CHKA: variants seen among roughly 807,000 people sequenced by gnomAD.
CHKA encodes the protein choline kinase alpha, also known as CHETK-alpha.
In CHKA, 34 loss-of-function variants were observed where a neutral mutation model predicts 60.1. The ratio of observed to expected loss-of-function variants is 0.57; its 90% confidence interval spans 0.43 to 0.75. The LOEUF is 0.75. Ranked by LOEUF, CHKA falls within the 30% of genes least tolerant of loss-of-function variation. The pLI, the probability that CHKA is intolerant of heterozygous loss-of-function variation, is 0.00. For missense variants in CHKA, 563 were observed against 561.3 expected, an observed-to-expected ratio of 1.00 and a Z score of -0.03; for synonymous variants, 217 against 223.1, an observed-to-expected ratio of 0.97 and a Z score of 0.24.
intron 1 of CHKA, among the ~76,000 whole-genome samples, chr11:68,116,537 C>T (rs1858388856): frequency 6.6e-6 from 1 of 151,894 alleles, no homozygotes; most frequent in African/African-American, 2.4e-5. Flanking sequence ...CATGTGAAAC[C>T]TTGTATCTAC....
At position 68,070,972 on chromosome 11, in the gene CHKA, T is replaced by A; in HGVS notation, c.631-115A>T. On this transcript the variant is annotated intron_variant, in intron 4 of 11. Coordinates refer to ENST00000265689, the MANE Select transcript of CHKA (RefSeq NM_001277.3). ...TGTAGTGCATTTAAGTCTCACCCAA[T>A]GCCCCAAATTCCCTTAAGAATGGAC... is the stretch of plus-strand genomic sequence containing the variant. 3 of 971,284 alleles carry A rather than the reference T, an allele frequency of 3.1e-6. No homozygotes were observed. The South Asian group carries it at 5.3e-5, about 17-fold the overall frequency. The allele number at this position is 971,284 out of a possible 1,614,324, so 60.2% of individuals were successfully genotyped here. A position where few individuals can be genotyped will look rare whatever the true frequency, so the allele number is the denominator to read the frequency against.
chr11:68,112,058 A>G (rs1399029223), intron 1 of CHKA, among the ~76,000 whole-genome samples: 1 of 125,824 alleles, frequency 7.9e-6, no homozygotes, highest in Non-Finnish European at 1.6e-5. Context: ...CGTCTCAAAA[A>G]AAAAAAAAAA....
rs1410150312 is a variant in CHKA at position 68,064,640 on chromosome 11, A to G, written c.1126-9T>C. 11 of 1,513,424 alleles carry G rather than the reference A, an allele frequency of 7.3e-6. No homozygotes were observed. The highest frequency in any genetic ancestry group is 1.0e-5 in the Non-Finnish European group (11 of 1,103,510). 93.7% of individuals were successfully genotyped at this position (1,513,424 alleles called of 1,614,324 possible). ...CTGGAAATAAAATGGAGCTTAAAAA[A>G]AAGTAATTGTGTTAGGATCAATGAT... On this transcript the variant is annotated splice_polypyrimidine_tract_variant and intron_variant, in intron 9 of 11. Coordinates refer to ENST00000265689, the MANE Select transcript of CHKA (RefSeq NM_001277.3).
chr11:68,110,783 T>C (rs7925469), intron 1 of CHKA, among the ~76,000 whole-genome samples: 6 of 151,902 alleles, frequency 3.9e-5, no homozygotes, highest in Admixed American at 6.6e-5. Flanking sequence ...AGATCACTTA[T>C]GGTCAGGAGT....
At chr11:68,109,763 C>T (rs758337795) in intron 1 of CHKA, among the ~76,000 whole-genome samples, 25 of 152,092 alleles carry the variant, frequency 1.6e-4, no homozygotes, top group Admixed American at 4.6e-4. Flanking sequence ...ACCAGCCTGG[C>T]CAACATGGTG....
At chr11:68,070,678 C>A (rs1856588194) in intron 5 of CHKA, 46 bp downstream of exon 5, 2 of 1,586,264 alleles carry the variant, frequency 1.3e-6, no homozygotes, top group African/African-American at 1.3e-5. Context: ...CTTCTGGGAG[C>A]CACCACTGTA....
chr11:68,086,287 C>T (rs1196947615), intron 2 of CHKA, among the ~76,000 whole-genome samples: 1 of 152,044 alleles, frequency 6.6e-6, no homozygotes, highest in African/African-American at 2.4e-5. Context: ...GCACCCCAGC[C>T]TGGCGACAGC....
intron 1 of CHKA, among the ~76,000 whole-genome samples, chr11:68,115,812 T>C (rs1199786921): frequency 1.3e-5 from 2 of 152,200 alleles, no homozygotes; most frequent in Non-Finnish European, 2.9e-5. Flanking sequence ...TAAAATTGTA[T>C]CTTGAAAAAT....
At chr11:68,111,921 C>T (rs1314806544) in intron 1 of CHKA, among the ~76,000 whole-genome samples, 3 of 150,088 alleles carry the variant, frequency 2.0e-5, no homozygotes, top group East Asian at 2.0e-4. Flanking sequence ...GGCGTGGTGA[C>T]GCATGCCTGT....
At chr11:68,058,726 A>G (rs78528297) in intron 11 of CHKA, among the ~76,000 whole-genome samples, 4,989 of 152,152 alleles carry the variant, frequency 0.033, 125 homozygotes, top group Admixed American at 0.045. Flanking sequence ...CTTCCTTCCC[A>G]GTGCACCTAT....
chr11:68,117,934 G>A (rs1858453671), intron 1 of CHKA, among the ~76,000 whole-genome samples: 1 of 152,218 alleles, frequency 6.6e-6, no homozygotes, highest in Non-Finnish European at 1.5e-5. Context: ...ACAACTGTGT[G>A]CAGAGGAGGG....
At chr11:68,061,885 C>T in intron 11 of CHKA, 68 bp downstream of exon 11, 1 of 1,114,024 alleles carries the variant, frequency 9.0e-7, no homozygotes, top group Non-Finnish European at 1.3e-6. Flanking sequence ...CCAACATTCA[C>T]AAATACTATA....
intron 1 of CHKA, among the ~76,000 whole-genome samples, chr11:68,119,931 A>T (rs954424081): frequency 6.6e-6 from 1 of 152,164 alleles, no homozygotes; most frequent in African/African-American, 2.4e-5. Flanking sequence ...TTTCAAGTTT[A>T]AAAAAAGGAA....
chr11:68,095,723 A>AAC (rs1857486979), intron 2 of CHKA, among the ~76,000 whole-genome samples: 1 of 143,596 alleles, frequency 7.0e-6, no homozygotes, highest in Non-Finnish European at 1.5e-5. Flanking sequence ...AAAAAAAAAA[A>AAC]AAAAAAAAAA....
intron 11 of CHKA, among the ~76,000 whole-genome samples, chr11:68,059,752 G>C (rs549179551): frequency 2.4e-4 from 37 of 152,244 alleles, no homozygotes; most frequent in Admixed American, 6.5e-4. Flanking sequence ...AACATATCCA[G>C]TATTATTTCA....
chr11:68,105,656 T>C (rs1028534029), intron 1 of CHKA, among the ~76,000 whole-genome samples: 2 of 152,162 alleles, frequency 1.3e-5, no homozygotes, highest in Admixed American at 6.6e-5. Context: ...GATTCATGTA[T>C]GTGAATCCGC....
Position 68,097,106 on chromosome 11 carries a change from G to A in CHKA, c.375C>T (p.Phe125=), listed in dbSNP as rs375011666. 5 of 1,613,652 alleles carry A rather than the reference G, an allele frequency of 3.1e-6. No individual in the cohort carries two copies. The highest frequency in any genetic ancestry group is 3.4e-6 in the Non-Finnish European group (4 of 1,179,802). Residue 125 remains phenylalanine (F), a synonymous_variant, in exon 2 of 12, where the codon TTC becomes TTT. Coordinates refer to ENST00000265689, the MANE Select transcript of CHKA (RefSeq NM_001277.3). ...VIRGGLSNML[F]QCSLPDTTAT... The stretch of plus-strand genomic sequence containing the variant: ...CTGTGGTGTCAGGTAGGGAGCACTG[G>A]AACAGCATGTTGCTAAGGCCGCCTC...
intron 1 of CHKA, among the ~76,000 whole-genome samples, chr11:68,117,160 G>T (rs1048943955): frequency 6.6e-5 from 10 of 152,148 alleles, no homozygotes; most frequent in Non-Finnish European, 1.5e-4. Context: ...AGAGGGGAAA[G>T]AAATTCAGTA....
chr11:68,121,082 G>A lies in CHKA; in HGVS notation c.96C>T (p.Gly32=), dbSNP rs1590894182. 2 of 1,133,862 alleles carry A rather than the reference G, an allele frequency of 1.8e-6. No individual in the cohort carries two copies. Among genetic ancestry groups the A allele is most frequent in the Admixed American group, 5.0e-5 (1 of 19,928 alleles). The allele number at this position is 1,133,862 out of a possible 1,614,324, so 70.2% of individuals were successfully genotyped here. A position where few individuals can be genotyped will look rare whatever the true frequency, so the allele number is the denominator to read the frequency against. ...CGSGSAAPAP[G]VGQQRDAASD... ...TGGCGGCGTCGCGCTGCTGCCCCAC[G>A]CCGGGCGCCGGGGCCGCGCTGCCGC... The change falls in exon 1 of 12, where the codon GGC becomes GGT. Residue 32 remains glycine (G), a synonymous_variant. Coordinates refer to ENST00000265689, the MANE Select transcript of CHKA (RefSeq NM_001277.3).
Sources: gnomAD v4.1 joint callset for allele counts (sites outside exome capture counted in the v4.1 genomes callset) on GRCh38, gnomAD v4.1.1 for gene constraint, MANE v1.5 for transcripts, NCBI Gene and HGNC (gene_info 2026-07-23, HGNC 2026-07-21) for gene names.